SIRPA: variants seen among roughly 807,000 people sequenced by gnomAD.
SIRPA encodes the protein tyrosine-protein phosphatase non-receptor type substrate 1.
A neutral mutation model predicts 50.3 loss-of-function variants in SIRPA; 9 were observed. The observed-to-expected ratio is 0.18, with a 90% confidence interval of 0.11 to 0.31. SIRPA has a LOEUF of 0.31. Among genes scored for constraint, SIRPA ranks in the 10% least tolerant of loss-of-function variants. The pLI is 1.00. For missense variants in SIRPA, 474 were observed against 661.6 expected, an observed-to-expected ratio of 0.72 and a Z score of 3.11; for synonymous variants, 265 against 284.1, an observed-to-expected ratio of 0.93 and a Z score of 0.68.
chr20:1,914,600 T>C (rs1409920213), intron 1 of SIRPA, among the ~76,000 whole-genome samples: 2 of 152,114 alleles, frequency 1.3e-5, no homozygotes, highest in Non-Finnish European at 2.9e-5. Context: ...AGGACACAGC[T>C]ATAGGCCACT....
Position 1,937,947 on chromosome 20 carries a change from G to A in SIRPA, c.*379G>A, listed in dbSNP as rs540498557. The A allele has an allele frequency of 2.1e-3, 451 of 215,910 alleles. 2 individuals carry two copies. Among genetic ancestry groups the A allele is most frequent in the Middle Eastern group, 3.6e-3 (2 of 552 alleles). The allele number at this position is 215,910 out of a possible 1,614,324, so 13.4% of individuals were successfully genotyped here. On this transcript the variant is annotated 3_prime_UTR_variant, in exon 8 of 8. Transcript: ENST00000358771. This position sits in a 1 kb window ranked among gnomAD's most constrained non-coding sequence, Gnocchi z 8.3. ...AAGCCTGATCTTCCAGGGTGGGGAG[G>A]AGAAAATCCCACCTCCCCTGACCTC...
At chr20:1,935,938 C>T (rs895516318) in intron 7 of SIRPA, among the ~76,000 whole-genome samples, 3 of 152,148 alleles carry the variant, frequency 2.0e-5, no homozygotes, top group Non-Finnish European at 2.9e-5. Flanking sequence ...AGAGCACAGT[C>T]GTAGAGTCCA....
Position 1,939,843 on chromosome 20 carries a change from AC to A in SIRPA, c.*2276del, listed in dbSNP as rs1986784475. 1 of 152,604 alleles carries A rather than the reference AC, an allele frequency of 6.6e-6. No homozygotes were observed. Among genetic ancestry groups the A allele is most frequent in the Admixed American group, 6.5e-5 (1 of 15,280 alleles). 9.5% of individuals were successfully genotyped at this position (152,604 alleles called of 1,614,324 possible). On this transcript the variant is annotated 3_prime_UTR_variant, in exon 8 of 8. Coordinates refer to ENST00000358771, the MANE Select transcript of SIRPA (RefSeq NM_001040023.2). This position sits in a 1 kb window ranked among gnomAD's most constrained non-coding sequence, Gnocchi z 4.7. ...CATTTTGTATATAGTTGCAACTTAAACTTTTTGGCTTGCAAAATATTTTTGT... is the reference window on the plus strand; with the variant it reads ...CATTTTGTATATAGTTGCAACTTAAATTTTTGGCTTGCAAAATATTTTTGT...
At chr20:1,922,259 C>T (rs536426855) in intron 3 of SIRPA, 54 bp from the exon 4 acceptor site, 1 of 1,609,472 alleles carries the variant, frequency 6.2e-7, no homozygotes, top group South Asian at 1.1e-5. Context: ...ATGGAGCCCT[C>T]CCTGTGATCT....
intron 1 of SIRPA, among the ~76,000 whole-genome samples, chr20:1,909,051 CGGGG>C (rs916449375): frequency 2.0e-5 from 3 of 152,098 alleles, no homozygotes; most frequent in African/African-American, 7.2e-5. Context: ...GCTATAAGTG[CGGGG>C]TGGAAAATCG....
At chr20:1,903,911 G>C (rs1240649899) in intron 1 of SIRPA, among the ~76,000 whole-genome samples, 5 of 152,106 alleles carry the variant, frequency 3.3e-5, no homozygotes, top group African/African-American at 4.8e-5. Flanking sequence ...CCTCCACTAG[G>C]ATATAAGCTG....
intron 4 of SIRPA, among the ~76,000 whole-genome samples, chr20:1,923,871 A>G (rs1985811704): frequency 6.6e-6 from 1 of 152,216 alleles, no homozygotes; most frequent in African/African-American, 2.4e-5. Context: ...CTCAGCTGGT[A>G]GGGGCCATGA....
Position 1,927,773 on chromosome 20 carries a change from C to A in SIRPA, c.1202-102C>A. On this transcript the variant is annotated intron_variant, in intron 5 of 7. Transcript: ENST00000358771. This position sits in a 1 kb window ranked among gnomAD's most constrained non-coding sequence, Gnocchi z 6.5. ...TTCCAAGGATGTGATTACAGCATTTCCTCTCCATGTCCCTGGAGGCAAACC... is the reference window on the plus strand; with the variant it reads ...TTCCAAGGATGTGATTACAGCATTTACTCTCCATGTCCCTGGAGGCAAACC... 1.0e-6 allele frequency: 1 copy of A among 1,002,136 alleles called. No individual in the cohort carries two copies. Among genetic ancestry groups the A allele is most frequent in the Non-Finnish European group, 1.6e-6 (1 of 623,104 alleles). The allele number at this position is 1,002,136 out of a possible 1,614,324, so 62.1% of individuals were successfully genotyped here. A position where few individuals can be genotyped will look rare whatever the true frequency, so the allele number is the denominator to read the frequency against.
Position 1,927,886 on chromosome 20 carries a change from ACTT to A in SIRPA, c.1219_1221del (p.Ser407del). ...CTTTTGTCTTTCAGCCCAGGGCTCC[ACTT>A]CTTCTACAAGGTAAGTGCATCATTG... On this transcript the variant is annotated inframe_deletion, in exon 6 of 8. Transcript: ENST00000358771. The surrounding 1 kb of genome is among the most constrained non-coding windows in gnomAD (Gnocchi z 6.5). 5.0e-6 allele frequency: 8 copies of A among 1,613,944 alleles called. No homozygotes were observed. Among genetic ancestry groups the A allele is most frequent in the African/African-American group, 1.3e-5 (1 of 75,038 alleles).
intron 2 of SIRPA, among the ~76,000 whole-genome samples, chr20:1,918,719 G>C (rs1985463147): frequency 6.6e-6 from 1 of 152,060 alleles, no homozygotes; most frequent in Non-Finnish European, 1.5e-5. Flanking sequence ...GGCTTCCCTT[G>C]AGTCCTCAGC....
At chr20:1,896,501 G>A (rs1467148142) in intron 1 of SIRPA, among the ~76,000 whole-genome samples, 1 of 152,008 alleles carries the variant, frequency 6.6e-6, no homozygotes, top group Non-Finnish European at 1.5e-5. Context: ...GGGAGGGAGA[G>A]AAAAATGGGG....
chr20:1,937,770 A>G lies in SIRPA; in HGVS notation c.*202A>G. 1.6e-6 allele frequency: 1 copy of G among 644,820 alleles called. No homozygotes were observed. The highest frequency in any genetic ancestry group is 2.6e-6 in the Non-Finnish European group (1 of 385,036). The allele number at this position is 644,820 out of a possible 1,614,324, so 39.9% of individuals were successfully genotyped here. A position where few individuals can be genotyped will look rare whatever the true frequency, so the allele number is the denominator to read the frequency against. On this transcript the variant is annotated 3_prime_UTR_variant, in exon 8 of 8. Transcript: ENST00000358771. This position sits in a 1 kb window ranked among gnomAD's most constrained non-coding sequence, Gnocchi z 8.3. ...TGGGCAGCCACGGCCCCCTCCCCCCACATTGCCACATACCTGGAGGCTGAC... is the reference window on the plus strand; with the variant it reads ...TGGGCAGCCACGGCCCCCTCCCCCCGCATTGCCACATACCTGGAGGCTGAC...
rs373035428 is a variant in SIRPA, at chr20:1,919,938, A to T, written c.437-1457A>T. On this transcript the variant is annotated intron_variant, in intron 2 of 7. Transcript: ENST00000358771. ...TGCTTTGTTCTGCTGCCTGAAGGATAAATGTGTAGATTCGGAAGCAGTAAT... is the reference window on the plus strand; with the variant it reads ...TGCTTTGTTCTGCTGCCTGAAGGATTAATGTGTAGATTCGGAAGCAGTAAT... 3.3e-5 allele frequency among the ~76,000 whole-genome samples: 5 copies of T among 152,308 alleles called. No individual in the cohort carries two copies. In the South Asian group the frequency reaches 6.2e-4, roughly 19 times the overall value.
rs951906905 is a variant in SIRPA at position 1,921,411 on chromosome 20, C to T, written c.453C>T (p.Pro151=). 8.7e-6 allele frequency: 14 copies of T among 1,613,388 alleles called. No individual in the cohort carries two copies. The highest frequency in any genetic ancestry group is 5.3e-5 in the African/African-American group (4 of 74,918). ...ELSVRAKPSA[P]VVSGPAARAT... is the part of the protein sequence containing the mutation. ...CTTTTGTAGCCAAACCCTCTGCCCCCGTGGTATCGGGCCCTGCGGCGAGGG... is the reference window on the plus strand; with the variant it reads ...CTTTTGTAGCCAAACCCTCTGCCCCTGTGGTATCGGGCCCTGCGGCGAGGG... The change falls in exon 3 of 8, where the codon CCC becomes CCT. Residue 151 remains proline, a synonymous_variant. Transcript: ENST00000358771.
chr20:1,918,608 A>T (rs1985455092), intron 2 of SIRPA, among the ~76,000 whole-genome samples: 1 of 151,846 alleles, frequency 6.6e-6, no homozygotes, highest in Non-Finnish European at 1.5e-5. Flanking sequence ...AATTGTACCA[A>T]CCTTTCCAGG....
At position 1,927,980 on chromosome 20, in the gene SIRPA, A is replaced by G. The variant is rs1368544612; in HGVS notation, c.1226+81A>G. The G allele has an allele frequency of 5.1e-6, 6 of 1,186,752 alleles. No homozygotes were observed. The highest frequency in any genetic ancestry group is 3.4e-5 in the Admixed American group (2 of 59,454). The allele number at this position is 1,186,752 out of a possible 1,614,324, so 73.5% of individuals were successfully genotyped here. A position where few individuals can be genotyped will look rare whatever the true frequency, so the allele number is the denominator to read the frequency against. On this transcript the variant is annotated intron_variant, in intron 6 of 7. Transcript: ENST00000358771. The surrounding 1 kb of genome is among the most constrained non-coding windows in gnomAD (Gnocchi z 6.5). ...CCCCCCAGACTACAAAGCATAATCC[A>G]TGTCCACTGACCTCACCAATGTGTT...
chr20:1,934,726 C>T lies in SIRPA; in HGVS notation c.1238C>T (p.Pro413Leu). The change falls in exon 7 of 8, where the codon CCC (proline) becomes CTC (leucine). Residue 413 changes from proline (P) to leucine (L), a missense_variant. Transcript: ENST00000358771. The surrounding 1 kb of genome is among the most constrained non-coding windows in gnomAD (Gnocchi z 4.6). ...GSTSSTRLHE[P>L]EKNAREITQD... ...TCTTTCCTTTTTAGGTTGCATGAGC[C>T]CGAGAAGAATGCCAGAGAAATAACA... 1 of 1,613,972 alleles carries T rather than the reference C, an allele frequency of 6.2e-7. No individual in the cohort carries two copies. Among genetic ancestry groups the T allele is most frequent in the Non-Finnish European group, 8.5e-7 (1 of 1,179,980 alleles).
chr20:1,908,443 A>G (rs546599436), intron 1 of SIRPA, among the ~76,000 whole-genome samples: 7 of 151,958 alleles, frequency 4.6e-5, no homozygotes. Context: ...CCTCCCACAC[A>G]TGCCCAGGCC....
At chr20:1,907,346 G>A (rs1386388915) in intron 1 of SIRPA, among the ~76,000 whole-genome samples, 2 of 152,220 alleles carry the variant, frequency 1.3e-5, no homozygotes, top group Non-Finnish European at 2.9e-5. Context: ...CCGGCAGAAT[G>A]TTCCCAGTGC....
Sources: gnomAD v4.1 joint callset for allele counts (sites outside exome capture counted in the v4.1 genomes callset) on GRCh38, gnomAD v4.1.1 for gene constraint, Gnocchi (gnomAD v3.1) non-coding constraint, MANE v1.5 for transcripts, NCBI Gene and HGNC (gene_info 2026-07-23, HGNC 2026-07-21) for gene names.